SERPINA4: variants seen among roughly 807,000 people sequenced by gnomAD.
SERPINA4 encodes the protein kallistatin.
In SERPINA4, 24 loss-of-function variants were observed where a neutral mutation model predicts 25.4. That is an observed-to-expected ratio of 0.95 (90% confidence interval 0.69 to 1.33). The LOEUF (loss-of-function observed/expected upper bound fraction) is 1.33. SERPINA4 is among the 40% of genes most tolerant of loss of function. The probability of loss-of-function intolerance (pLI) is 0.00; values close to 1 mark genes in which losing one functional copy is unlikely to be tolerated. For missense variants in SERPINA4, 553 were observed against 535.8 expected (o/e 1.03, Z -0.32); for synonymous variants, 242 against 223.6 (o/e 1.08, Z -0.73).
In SERPINA4 at chr14:94,569,365, TG is replaced by T. The variant is rs1902319912; in HGVS notation, c.1084-28del. 2.5e-6 allele frequency: 4 copies of T among 1,606,894 alleles called. No homozygotes were observed. The South Asian group carries it at 4.4e-5, about 18-fold the overall frequency. On this transcript the variant is annotated intron_variant, in intron 4 of 4. Coordinates refer to ENST00000557004, the MANE Select transcript of SERPINA4 (RefSeq NM_006215.4). ...GTCCAGGCCCCCTCTCTTGCTGGCT[TG>T]GAGATAATGCTTGTGATTTTCCTCC...
chr14:94,561,741 C>T (rs992394016), intron 1 of SERPINA4: 1 of 1,289,762 alleles, frequency 7.8e-7, no homozygotes, highest in African/African-American at 1.5e-5. Context: ...GAAAAGCCTC[C>T]CCCAGGGACA....
rs376130328 is a variant in SERPINA4 at position 94,564,034 on chromosome 14, C to T, written c.552C>T (p.Asp184=). 2.5e-6 allele frequency: 4 copies of T among 1,612,700 alleles called. No individual in the cohort carries two copies. The African/African-American group carries it at 5.3e-5, about 22-fold the overall frequency. ...TGGGCACAATCCAGCTTATCAACGA[C>T]CACGTCAAGAAGGAAACTCGAGGGA... ...DTVGTIQLIN[D]HVKKETRGKI... is the part of the protein sequence containing the mutation. The change falls in exon 2 of 5, where the codon GAC becomes GAT. Residue 184 remains aspartate (D), a synonymous_variant. Coordinates refer to ENST00000557004, the MANE Select transcript of SERPINA4 (RefSeq NM_006215.4).
chr14:94,561,628 T>G, intron 1 of SERPINA4, 134 bp downstream of exon 1: 1 of 1,276,714 alleles, frequency 7.8e-7, no homozygotes, highest in South Asian at 1.2e-5. Context: ...CCAGGCAAGC[T>G]GGGACACTTT....
Position 94,569,523 on chromosome 14 carries a change from TGTG to T in SERPINA4, c.1216_1218del (p.Val406del). 2 of 1,614,172 alleles carry T rather than the reference TGTG, an allele frequency of 1.2e-6. No homozygotes were observed. The highest frequency in any genetic ancestry group is 1.1e-5 in the South Asian group (1 of 91,090). On this transcript the variant is annotated inframe_deletion, in exon 5 of 5. Coordinates refer to ENST00000557004, the MANE Select transcript of SERPINA4 (RefSeq NM_006215.4). The stretch of plus-strand genomic sequence containing the variant: ...TCCTGCGATTCAACCGGCCCTTCCT[TGTG>T]GTGATCTTTTCCACCAGCACCCAGA...
rs1416653926 is a variant in SERPINA4 at position 94,568,250 on chromosome 14, T to A, written c.1045T>A (p.Ser349Thr). 1 of 1,614,206 alleles carries A rather than the reference T, an allele frequency of 6.2e-7. No individual in the cohort carries two copies. The highest frequency in any genetic ancestry group is 2.2e-5 in the East Asian group (1 of 44,882). ...TDLFSKWADLSGITKQQKLEA... is the reference protein window; with the variant it reads ...TDLFSKWADLTGITKQQKLEA... Reference sequence around the variant, plus strand: ...TCTGTTCTCCAAGTGGGCTGACTTATCCGGCATCACCAAACAGCAAAAACT... The same window carrying A: ...TCTGTTCTCCAAGTGGGCTGACTTAACCGGCATCACCAAACAGCAAAAACT... Residue 349 changes from serine to threonine, a missense_variant, in exon 4 of 5, where the codon TCC becomes ACC. Transcript: ENST00000557004.
chr14:94,567,790 A>G (rs1466911913), intron 3 of SERPINA4, among the ~76,000 whole-genome samples: 4 of 152,252 alleles, frequency 2.6e-5, no homozygotes, highest in Non-Finnish European at 5.9e-5. Flanking sequence ...TAGCTGGTTC[A>G]AAAAGAATAA....
Position 94,563,774 on chromosome 14 carries a change from C to T in SERPINA4, c.292C>T (p.Arg98Cys), listed in dbSNP as rs758792521. The change falls in exon 2 of 5, where the codon CGC (arginine) becomes TGC (cysteine). Residue 98 changes from arginine (R) to cysteine (C), a missense_variant. Coordinates refer to ENST00000557004, the MANE Select transcript of SERPINA4 (RefSeq NM_006215.4). ...TTCCCTGGGGGCCTGCTCACACAGC[C>T]GCAGCCAGATCCTTGAGGGCCTGGG... ...MLSLGACSHS[R>C]SQILEGLGFN... 2.2e-5 allele frequency: 35 copies of T among 1,614,040 alleles called. No individual in the cohort carries two copies. Among genetic ancestry groups the T allele is most frequent in the African/African-American group, 5.3e-5 (4 of 74,930 alleles).
chr14:94,561,746 G>A (rs542390582), intron 1 of SERPINA4: 1 of 1,289,794 alleles, frequency 7.8e-7, no homozygotes, highest in South Asian at 1.2e-5. Context: ...GCCTCCCCCA[G>A]GGACACACAG....
At chr14:94,564,190 T>G in intron 2 of SERPINA4, 59 bp downstream of exon 2, 1 of 1,516,642 alleles carries the variant, frequency 6.6e-7, no homozygotes, top group Non-Finnish European at 9.0e-7. Context: ...ACCCACTAAT[T>G]TGTTGACTGG....
chr14:94,569,468 A>G lies in SERPINA4; in HGVS notation c.1157A>G (p.Lys386Arg), dbSNP rs577284625. 6.8e-6 allele frequency: 11 copies of G among 1,614,128 alleles called. No individual in the cohort carries two copies. The highest frequency in any genetic ancestry group is 1.3e-5 in the African/African-American group (1 of 75,026). ...EAAAATSFAI[K>R]FFSAQTNRHI... ...GCAGCAGCCACCAGCTTCGCGATCA[A>G]ATTCTTCTCTGCCCAGACCAATCGC... The change falls in exon 5 of 5, where the codon AAA (lysine) becomes AGA (arginine). Residue 386 changes from lysine to arginine, a missense_variant. Physicochemically the swap from Lys to Arg is conservative, Grantham distance 26. Transcript: ENST00000557004.
chr14:94,561,644 T>C (rs979313356), intron 1 of SERPINA4, 150 bp downstream of exon 1: 4 of 1,283,322 alleles, frequency 3.1e-6, no homozygotes, highest in South Asian at 2.5e-5. Context: ...ACTTTGTCAC[T>C]CTTGCTAGAG....
chr14:94,562,639 C>A (rs887663246), intron 1 of SERPINA4, among the ~76,000 whole-genome samples: 1 of 152,026 alleles, frequency 6.6e-6, no homozygotes, highest in African/African-American at 2.4e-5. Flanking sequence ...ACAAAAAAAA[C>A]CCAACCCTGC....
intron 3 of SERPINA4, among the ~76,000 whole-genome samples, chr14:94,567,690 A>G (rs1902263551): frequency 6.6e-6 from 1 of 152,356 alleles, no homozygotes. Context: ...GTCTTCAACC[A>G]TATATAAGAA....
At chr14:94,561,972 T>C (rs1902042779) in intron 1 of SERPINA4, among the ~76,000 whole-genome samples, 1 of 152,110 alleles carries the variant, frequency 6.6e-6, no homozygotes, top group Non-Finnish European at 1.5e-5. Flanking sequence ...AAACCACAGC[T>C]TGTAGGTCAA....
At position 94,568,208 on chromosome 14, in the gene SERPINA4, A is replaced by G. The variant is rs1566831053; in HGVS notation, c.1003A>G (p.Arg335Gly). 1 of 1,614,252 alleles carries G rather than the reference A, an allele frequency of 6.2e-7. No homozygotes were observed. The highest frequency in any genetic ancestry group is 1.7e-5 in the Admixed American group (1 of 60,036). Residue 335 changes from arginine to glycine, a missense_variant, in exon 4 of 5, where the codon AGG becomes GGG. Physicochemically the swap from Arg to Gly is moderately radical, Grantham distance 125 (BLOSUM62 -2). Transcript: ENST00000557004. ...CTATGTATTAGATCAGATTTTGCCC[A>G]GGCTGGGCTTCACGGATCTGTTCTC... ...GSYVLDQILPRLGFTDLFSKW... is the reference protein window; with the variant it reads ...GSYVLDQILPGLGFTDLFSKW...
At chr14:94,565,695 A>C (rs1234665971) in intron 2 of SERPINA4, among the ~76,000 whole-genome samples, 1 of 143,024 alleles carries the variant, frequency 7.0e-6, no homozygotes, top group Non-Finnish European at 1.5e-5. Context: ...AAAATACAAA[A>C]AAAAAAAAAA....
chr14:94,563,516 G>T lies in SERPINA4; in HGVS notation c.34G>T (p.Val12Phe), dbSNP rs780616175. The change falls in exon 2 of 5, where the codon GTT (valine) becomes TTT (phenylalanine). Residue 12 changes from valine to phenylalanine, a missense_variant. Val to Phe is a conservative substitution (Grantham distance 50). Transcript: ENST00000557004. The part of the protein sequence containing the change: ...HLIDYLLLLL[V>F]GLLALSHGQL... The stretch of plus-strand genomic sequence containing the variant: ...TATCGACTACCTGCTCCTCCTGCTG[G>T]TTGGACTACTGGCCCTTTCTCATGG... 3 of 1,613,888 alleles carry T rather than the reference G, an allele frequency of 1.9e-6. No homozygotes were observed. The highest frequency in any genetic ancestry group is 2.7e-5 in the African/African-American group (2 of 75,018).
intron 1 of SERPINA4, 112 bp downstream of exon 1, chr14:94,561,606 A>G (rs1269466285): frequency 1.1e-5 from 14 of 1,241,536 alleles, no homozygotes; most frequent in Non-Finnish European, 1.4e-5. Flanking sequence ...CAGTGCTAAA[A>G]CCAGGAAAGT....
At chr14:94,569,266 T>C in intron 4 of SERPINA4, 129 bp from the exon 5 acceptor site, 1 of 799,046 alleles carries the variant, frequency 1.3e-6, no homozygotes. Context: ...CTTGCTGTGT[T>C]ATCCCCAAGA....
Sources: gnomAD v4.1 joint callset for allele counts (sites outside exome capture counted in the v4.1 genomes callset) on GRCh38, gnomAD v4.1.1 for gene constraint, MANE v1.5 for transcripts, NCBI Gene and HGNC (gene_info 2026-07-23, HGNC 2026-07-21) for gene names.